The following ANKRD44 variants were observed in gnomAD, a reference collection of about 807,000 sequenced individuals.
ANKRD44 encodes ankyrin repeat domain 44, also known as serine/threonine-protein phosphatase 6 regulatory ankyrin repeat subunit B.
A neutral mutation model predicts 116.0 loss-of-function variants in ANKRD44; 35 were observed. The ratio of observed to expected loss-of-function variants is 0.30; its 90% CI spans 0.23 to 0.40. ANKRD44 has a LOEUF of 0.40. ANKRD44 is among the 10% of genes least tolerant of loss of function. The pLI is 1.00. For synonymous variants in ANKRD44, 435 were observed against 461.8 expected (o/e 0.94, Z 0.74); for missense variants, 1,014 against 1,242.6 (o/e 0.82, Z 2.77).
chr2:197,265,196 T>C (rs1234481186), intron 1 of ANKRD44, among the ~76,000 whole-genome samples: 1 of 151,148 alleles, frequency 6.6e-6, no homozygotes, highest in Non-Finnish European at 1.5e-5. Flanking sequence ...GACAGAGAAA[T>C]GCTAACGTAC....
At chr2:197,001,143 A>G (rs1273038166) in intron 22 of ANKRD44, among the ~76,000 whole-genome samples, 1 of 152,236 alleles carries the variant, frequency 6.6e-6, no homozygotes, top group Admixed American at 6.5e-5. Context: ...CAAATGACTC[A>G]GTTTCATATA....
intron 2 of ANKRD44, among the ~76,000 whole-genome samples, chr2:197,183,371 T>C (rs1316574104): frequency 6.6e-6 from 1 of 152,046 alleles, no homozygotes; most frequent in Non-Finnish European, 1.5e-5. Context: ...AGTTAGTGAG[T>C]AGTGGCTCCT....
At chr2:196,997,677 G>A (rs989295545) in intron 25 of ANKRD44, among the ~76,000 whole-genome samples, 3 of 151,918 alleles carry the variant, frequency 2.0e-5, no homozygotes, top group Admixed American at 1.3e-4. Context: ...TCGAACTCCC[G>A]ACCTCAGGTA....
chr2:197,230,840 G>A (rs112699034), intron 1 of ANKRD44, among the ~76,000 whole-genome samples: 15 of 152,214 alleles, frequency 9.9e-5, no homozygotes, highest in African/African-American at 2.9e-4. Context: ...TGCTAGATCC[G>A]GTGGACAAAC....
intron 27 of ANKRD44, 75 bp from the exon 28 acceptor site, chr2:196,989,724 G>T: frequency 6.5e-7 from 1 of 1,535,996 alleles, no homozygotes; most frequent in South Asian, 1.2e-5. Flanking sequence ...GGTTTTACAT[G>T]CTAAATCACC....
intron 16 of ANKRD44, among the ~76,000 whole-genome samples, chr2:197,034,096 T>A (rs747489229): frequency 2.1e-5 from 1 of 46,632 alleles, no homozygotes; most frequent in Non-Finnish European, 5.2e-5. Context: ...GCTCATACTA[T>A]GCCTTGCTAT....
At chr2:197,067,457 C>T (rs924099464) in intron 16 of ANKRD44, among the ~76,000 whole-genome samples, 5 of 151,126 alleles carry the variant, frequency 3.3e-5, no homozygotes, top group Admixed American at 2.0e-4. Context: ...TCGCAACCTA[C>T]TCATCTGACA....
At chr2:197,086,952 A>C (rs549378951) in intron 12 of ANKRD44, among the ~76,000 whole-genome samples, 20 of 152,328 alleles carry the variant, frequency 1.3e-4, no homozygotes, top group South Asian at 8.3e-4. Flanking sequence ...AAAGCTAATA[A>C]ATCAATAGAT....
chr2:197,235,381 C>T (rs935984497), intron 1 of ANKRD44, among the ~76,000 whole-genome samples: 2 of 152,094 alleles, frequency 1.3e-5, no homozygotes, highest in African/African-American at 2.4e-5. Flanking sequence ...CTGTGGGAGG[C>T]TGAGGGGGCA....
chr2:197,013,175 A>C (rs2076329128), intron 18 of ANKRD44, among the ~76,000 whole-genome samples: 1 of 152,212 alleles, frequency 6.6e-6, no homozygotes, highest in South Asian at 2.1e-4. Flanking sequence ...TTATGCTTTC[A>C]AATACTGTTT....
intron 16 of ANKRD44, among the ~76,000 whole-genome samples, chr2:197,047,841 C>T (rs995838440): frequency 4.0e-5 from 6 of 151,186 alleles, no homozygotes; most frequent in African/African-American, 1.5e-4. Flanking sequence ...ACTCAGGAGG[C>T]GGAGGTTGCA....
In ANKRD44 at chr2:196,988,979, T is replaced by C. The variant is rs1307837514; in HGVS notation, c.*612A>G. Reference sequence around the variant, plus strand: ...CCAGACTGCAATGTCTTCTAAGCTCTAAGCTGGCTACAGACTGTGGCTGAG... The same window carrying C: ...CCAGACTGCAATGTCTTCTAAGCTCCAAGCTGGCTACAGACTGTGGCTGAG... On this transcript the variant is annotated 3_prime_UTR_variant, in exon 28 of 28. Transcript: ENST00000282272. The C allele has an allele frequency of 3.0e-6, 3 of 985,342 alleles. No individual in the cohort carries two copies. In the East Asian group the frequency reaches 3.4e-4, roughly 112 times the overall value. The allele number at this position is 985,342 out of a possible 1,614,324, so 61.0% of individuals were successfully genotyped here.
intron 1 of ANKRD44, among the ~76,000 whole-genome samples, chr2:197,240,100 C>T (rs1424138042): frequency 6.6e-6 from 1 of 151,976 alleles, no homozygotes; most frequent in East Asian, 1.9e-4. Context: ...GTAAACCAGG[C>T]ATGATGGCTC....
At chr2:197,193,152 G>GTAC (rs1270825159) in intron 1 of ANKRD44, among the ~76,000 whole-genome samples, 9 of 152,056 alleles carry the variant, frequency 5.9e-5, no homozygotes, top group African/African-American at 2.2e-4. Flanking sequence ...TAACACATGG[G>GTAC]TACTGACTAT....
At chr2:197,135,045 T>C (rs1267146326) in intron 4 of ANKRD44, 1 of 152,190 alleles carries the variant, frequency 6.6e-6, no homozygotes, top group Middle Eastern at 3.2e-3. Flanking sequence ...TCTCATTCCA[T>C]GCGGGATATT....
intron 1 of ANKRD44, among the ~76,000 whole-genome samples, chr2:197,282,493 G>A (rs1485371371): frequency 1.3e-5 from 2 of 152,160 alleles, no homozygotes; most frequent in African/African-American, 4.8e-5. Flanking sequence ...AGTTGGGGCT[G>A]TTGGAATGGT....
chr2:197,186,606 A>ATTTT (rs2080669547), intron 2 of ANKRD44, among the ~76,000 whole-genome samples: 1 of 81,454 alleles, frequency 1.2e-5, no homozygotes, highest in Admixed American at 1.5e-4. Context: ...TGCCCGGCTA[A>ATTTT]TTTTTCTTTT....
intron 27 of ANKRD44, chr2:196,990,061 AT>A: frequency 9.9e-7 from 1 of 1,007,880 alleles, no homozygotes; most frequent in Non-Finnish European, 1.2e-6. Context: ...AGCAAGTTCA[AT>A]TTTTCAATTC....
chr2:197,042,839 A>C (rs1257654196), intron 16 of ANKRD44, among the ~76,000 whole-genome samples: 1 of 152,208 alleles, frequency 6.6e-6, no homozygotes, highest in East Asian at 1.9e-4. Flanking sequence ...TTTTCAGTAA[A>C]GGCAAGAATG....
Sources: allele counts gnomAD v4.1 joint callset (sites outside exome capture counted in the v4.1 genomes callset), GRCh38; gene constraint gnomAD v4.1.1; transcripts MANE v1.5; gene names NCBI Gene and HGNC (gene_info 2026-07-23, HGNC 2026-07-21).